Variants in PCBP3 observed in about 807,000 individuals in gnomAD.
PCBP3 encodes poly(rC) binding protein 3, also known as poly(rC)-binding protein 3.
In PCBP3, 25 loss-of-function variants were observed where a neutral mutation model predicts 52.7. The observed-to-expected ratio is 0.47, with a 90% CI of 0.35 to 0.66. The LOEUF (loss-of-function observed/expected upper bound fraction) is 0.66, where lower values mean the gene tolerates loss of function less well. Ranked by LOEUF, PCBP3 falls within the 30% of genes least tolerant of loss-of-function variation. The pLI, the probability that PCBP3 is intolerant of heterozygous loss-of-function variation, is 0.01. For missense variants in PCBP3, 391 were observed against 490.3 expected (o/e 0.80, Z 1.91); for synonymous variants, 162 against 183.0 (o/e 0.89, Z 0.93).
intron 10 of PCBP3, among the ~76,000 whole-genome samples, chr21:45,909,851 TGGCCACCCACTGCCCAGATACGGACCC>T (rs2096310340): frequency 6.0e-4 from 3 of 4,972 alleles, no homozygotes; most frequent in Non-Finnish European, 6.9e-4. Context: ...GATACGGACC[TGGCCACCCACTGCCCAGATACGGACCC>T]GGCCACCCAC....
At chr21:45,673,152 C>A (rs951430289) in intron 2 of PCBP3, among the ~76,000 whole-genome samples, 4 of 152,146 alleles carry the variant, frequency 2.6e-5, no homozygotes, top group African/African-American at 7.2e-5. Flanking sequence ...TAATTTATTT[C>A]TGTTGAAATA....
chr21:45,739,056 G>T (rs60862316), intron 3 of PCBP3, among the ~76,000 whole-genome samples: 8 of 85,326 alleles, frequency 9.4e-5, no homozygotes, highest in Admixed American at 1.4e-4. Context: ...TCCTGTCCAC[G>T]GTCCTCTGGG....
intron 5 of PCBP3, among the ~76,000 whole-genome samples, chr21:45,889,657 T>C (rs1197589202): frequency 1.3e-5 from 2 of 152,360 alleles, no homozygotes; most frequent in East Asian, 3.9e-4. Flanking sequence ...TTTCCCTAGC[T>C]TGGGGACCTT....
chr21:45,793,104 G>A (rs2091714881), intron 4 of PCBP3, among the ~76,000 whole-genome samples: 1 of 152,200 alleles, frequency 6.6e-6, no homozygotes, highest in Admixed American at 6.5e-5. Flanking sequence ...CCAGCAGCAG[G>A]AGAAAGCAGC....
intron 2 of PCBP3, among the ~76,000 whole-genome samples, chr21:45,671,619 C>A (rs1012325192): frequency 6.6e-6 from 1 of 152,058 alleles, no homozygotes; most frequent in Non-Finnish European, 1.5e-5. Context: ...GGTAAGAGGG[C>A]GTTAGAAAGA....
intron 4 of PCBP3, among the ~76,000 whole-genome samples, chr21:45,784,898 A>G (rs1441552978): frequency 6.6e-6 from 1 of 152,006 alleles, no homozygotes; most frequent in Non-Finnish European, 1.5e-5. Context: ...CTGGGAAGTG[A>G]TGAGTGTCTC....
intron 5 of PCBP3, chr21:45,871,420 C>T (rs893401775): frequency 6.5e-6 from 1 of 154,664 alleles, no homozygotes; most frequent in South Asian, 1.9e-4. Flanking sequence ...GAGTCCTCCT[C>T]CCTCCACCCG....
chr21:45,813,499 T>C (rs989991840), intron 4 of PCBP3, among the ~76,000 whole-genome samples: 1 of 152,216 alleles, frequency 6.6e-6, no homozygotes, highest in African/African-American at 2.4e-5. Context: ...TGGAGTGCAG[T>C]GGCACGATCT....
chr21:45,768,122 A>G (rs748591241), intron 4 of PCBP3, among the ~76,000 whole-genome samples: 8 of 152,182 alleles, frequency 5.3e-5, no homozygotes, highest in Non-Finnish European at 8.8e-5. Flanking sequence ...TGGGGCACAC[A>G]CTGTGGGGCA....
intron 17 of PCBP3, among the ~76,000 whole-genome samples, chr21:45,940,851 G>C (rs942753932): frequency 1.3e-5 from 1 of 75,572 alleles, no homozygotes; most frequent in South Asian, 2.8e-4. Flanking sequence ...GGCCTCTGAT[G>C]TAAGGAACAT....
intron 5 of PCBP3, 148 bp from the exon 6 acceptor site, chr21:45,896,060 G>A (rs2095817657): frequency 2.9e-6 from 2 of 688,926 alleles, no homozygotes; most frequent in South Asian, 3.7e-5. Flanking sequence ...CCTGTGCCCA[G>A]CAGGCGAGGC....
At chr21:45,867,629 C>G (rs2094798942) in intron 5 of PCBP3, among the ~76,000 whole-genome samples, 1 of 152,256 alleles carries the variant, frequency 6.6e-6, no homozygotes, top group Non-Finnish European at 1.5e-5. Flanking sequence ...GATTGTTTAT[C>G]AGAGAGAGAG....
chr21:45,820,334 C>T (rs997903787), intron 4 of PCBP3, among the ~76,000 whole-genome samples: 62 of 152,358 alleles, frequency 4.1e-4, no homozygotes, highest in African/African-American at 1.3e-3. Context: ...CCCCATGGGC[C>T]CCATTTTATC....
intron 9 of PCBP3, among the ~76,000 whole-genome samples, chr21:45,908,781 G>C (rs1291541087): frequency 6.6e-6 from 1 of 152,168 alleles, no homozygotes; most frequent in Non-Finnish European, 1.5e-5. Context: ...TGTCTCCTGG[G>C]TGTCAGGACC....
chr21:45,795,706 A>T (rs917928384), intron 4 of PCBP3, among the ~76,000 whole-genome samples: 1 of 152,240 alleles, frequency 6.6e-6, no homozygotes, highest in African/African-American at 2.4e-5. Flanking sequence ...CCAATTCAAG[A>T]TAAAGTAGGA....
chr21:45,871,011 C>T (rs1249961863), intron 5 of PCBP3: 2 of 170,916 alleles, frequency 1.2e-5, no homozygotes, highest in Non-Finnish European at 2.5e-5. Flanking sequence ...CCAGGGAGAG[C>T]CCAGCACCCG....
At chr21:45,729,943 T>C (rs1030994514) in intron 2 of PCBP3, among the ~76,000 whole-genome samples, 12 of 152,088 alleles carry the variant, frequency 7.9e-5, no homozygotes, top group African/African-American at 2.4e-4. Flanking sequence ...AAAAATTTTT[T>C]TGTAGAGAGT....
intron 15 of PCBP3, among the ~76,000 whole-genome samples, chr21:45,933,945 G>C (rs1378225201): frequency 6.6e-6 from 1 of 152,140 alleles, no homozygotes; most frequent in Admixed American, 6.5e-5. Context: ...GGAGCTGTGT[G>C]GCTTTAACAT....
In PCBP3 at chr21:45,789,248, CGT is replaced by C. The variant is rs372908570; in HGVS notation, c.-126+33806_-126+33807del. Among the ~76,000 whole-genome samples the C allele has an allele frequency of 4.3e-4, 65 of 152,180 alleles. 1 individual carries two copies. Among genetic ancestry groups the C allele is most frequent in the Admixed American group, 1.2e-3 (18 of 15,292 alleles). Reference sequence around the variant, plus strand: ...TGTTTGTGCATACATAGTGTGTGCACGTGTGTGTGTGATTGCATGTATGTGTG... The same window carrying C: ...TGTTTGTGCATACATAGTGTGTGCACGTGTGTGTGATTGCATGTATGTGTG... On this transcript the variant is annotated intron_variant, in intron 4 of 17. Coordinates refer to ENST00000681687, the MANE Select transcript of PCBP3 (RefSeq NM_001384156.1).
Sources: gnomAD v4.1 joint callset for allele counts (sites outside exome capture counted in the v4.1 genomes callset) on GRCh38, gnomAD v4.1.1 for gene constraint, MANE v1.5 for transcripts, NCBI Gene and HGNC (gene_info 2026-07-23, HGNC 2026-07-21) for gene names.